The following TMCC3 variants were observed in gnomAD, a reference collection of about 807,000 sequenced individuals.
The protein encoded by TMCC3 is transmembrane and coiled-coil domain family 3, also known as transmembrane and coiled-coil domain protein 3.
A neutral mutation model predicts 40.2 loss-of-function variants in TMCC3; 28 were observed. The observed-to-expected ratio is 0.70, with a 90% confidence interval of 0.52 to 0.95. The LOEUF (loss-of-function observed/expected upper bound fraction) is 0.95, where lower values mean the gene tolerates loss of function less well. Among genes scored for constraint, TMCC3 ranks in the 40% least tolerant of loss-of-function variants. The pLI is 0.00. For missense variants in TMCC3, 554 were observed against 615.2 expected, an observed-to-expected ratio of 0.90 and a Z score of 1.05; for synonymous variants, 255 against 248.5, an observed-to-expected ratio of 1.03 and a Z score of -0.25.
intron 1 of TMCC3, chr12:94,591,055 A>G: frequency 1.9e-6 from 1 of 530,130 alleles, no homozygotes; most frequent in Non-Finnish European, 3.8e-6. Flanking sequence ...TAAATCAAGG[A>G]AACAGAATAT....
At chr12:94,582,964 T>C (rs2068614476) in intron 1 of TMCC3, among the ~76,000 whole-genome samples, 2 of 68,420 alleles carry the variant, frequency 2.9e-5, no homozygotes, top group African/African-American at 9.3e-5. Context: ...AGAAGGAGAA[T>C]CTTTTTTTTT....
chr12:94,600,238 TG>T (rs1306893224), intron 1 of TMCC3, among the ~76,000 whole-genome samples: 26 of 145,026 alleles, frequency 1.8e-4, no homozygotes, highest in East Asian at 1.0e-3. Context: ...CACCAAATTC[TG>T]GTTTTTTTTT....
intron 1 of TMCC3, among the ~76,000 whole-genome samples, chr12:94,634,109 A>T (rs2068947797): frequency 6.6e-6 from 1 of 151,802 alleles, no homozygotes; most frequent in African/African-American, 2.4e-5. Context: ...ATCACCAGCT[A>T]ATGTTTTGTA....
At chr12:94,597,405 G>A (rs1413405569) in intron 1 of TMCC3, among the ~76,000 whole-genome samples, 1 of 152,106 alleles carries the variant, frequency 6.6e-6, no homozygotes, top group Non-Finnish European at 1.5e-5. Flanking sequence ...TTTCCCTGTA[G>A]GGACCGTTGT....
chr12:94,622,856 CA>C (rs565323664), intron 1 of TMCC3, among the ~76,000 whole-genome samples: 45 of 148,396 alleles, frequency 3.0e-4, no homozygotes, highest in African/African-American at 1.0e-3. Flanking sequence ...AAAGAGGCTC[CA>C]AAAAAACCTC....
intron 1 of TMCC3, among the ~76,000 whole-genome samples, chr12:94,627,907 G>A (rs959543991): frequency 6.6e-6 from 1 of 152,218 alleles, no homozygotes; most frequent in South Asian, 2.1e-4. Context: ...AGGGATTTTT[G>A]TTTTGTTCCC....
intron 1 of TMCC3, among the ~76,000 whole-genome samples, chr12:94,628,665 G>A (rs560364908): frequency 6.6e-6 from 1 of 152,306 alleles, no homozygotes; most frequent in East Asian, 1.9e-4. Context: ...TTCCAAAGGG[G>A]AGCCTGTGCT....
At chr12:94,582,989 TTTTTTA>T (rs1158081354) in intron 1 of TMCC3, among the ~76,000 whole-genome samples, 165 of 24,484 alleles carry the variant, frequency 6.7e-3, no homozygotes, top group African/African-American at 0.05. Flanking sequence ...TTTTTTTTTT[TTTTTTA>T]AAAAAGAAAG....
intron 1 of TMCC3, among the ~76,000 whole-genome samples, chr12:94,640,839 C>G (rs1392228185): frequency 2.0e-5 from 3 of 152,146 alleles, no homozygotes; most frequent in Non-Finnish European, 4.4e-5. Context: ...TGCTCAAATC[C>G]AGAGGTAAGC....
In TMCC3 at chr12:94,597,149, AT is replaced by A. The variant is rs1566322285; in HGVS notation, c.79-14612del. On this transcript the variant is annotated intron_variant, in intron 1 of 3. Coordinates refer to ENST00000261226, the MANE Select transcript of TMCC3 (RefSeq NM_020698.4). ...CATATATATATATATATATATATAT[AT>A]ATATATATGTATATAAATTAGCCAG... 8.7e-3 allele frequency among the ~76,000 whole-genome samples: 130 copies of A among 14,956 alleles called. 2 individuals carry two copies. The South Asian group carries it at 0.18, about 21-fold the overall frequency. 9.8% of individuals were successfully genotyped at this position (14,956 alleles called of 152,430 possible).
intron 1 of TMCC3, among the ~76,000 whole-genome samples, chr12:94,611,769 C>A (rs1308189069): frequency 1.8e-4 from 25 of 141,506 alleles, no homozygotes; most frequent in Admixed American, 1.4e-4. Flanking sequence ...GGAATAATGA[C>A]AAAAAAAAAA....
Position 94,570,796 on chromosome 12 carries a change from T to A in TMCC3, c.*639A>T, listed in dbSNP as rs2068522406. 6.5e-6 allele frequency: 1 copy of A among 152,842 alleles called. No homozygotes were observed. The allele number at this position is 152,842 out of a possible 1,614,324, so 9.5% of individuals were successfully genotyped here. A position where few individuals can be genotyped will look rare whatever the true frequency, so the allele number is the denominator to read the frequency against. The stretch of plus-strand genomic sequence containing the variant: ...GGTGAAAGCCCCATTCATAAATCCC[T>A]ATGCCTTCCCATTTAAAGTGTAACA... On this transcript the variant is annotated 3_prime_UTR_variant, in exon 4 of 4. Transcript: ENST00000261226.
At position 94,590,884 on chromosome 12, in the gene TMCC3, G is replaced by A. The variant is rs144807494; in HGVS notation, c.79-8346C>T. On this transcript the variant is annotated intron_variant, in intron 1 of 3. Coordinates refer to ENST00000261226, the MANE Select transcript of TMCC3 (RefSeq NM_020698.4). ...TGGAGAGGAGCCCCTGGATGTTATC[G>A]GGCTCAGCCTAGATGAGTGAGTTTA... 110 of 575,198 alleles carry A rather than the reference G, an allele frequency of 1.9e-4. 3 individuals carry two copies. In the Middle Eastern group the frequency reaches 3.0e-3, roughly 16 times the overall value. The allele number at this position is 575,198 out of a possible 1,614,324, so 35.6% of individuals were successfully genotyped here.
chr12:94,579,620 C>G (rs1223754888), intron 2 of TMCC3, among the ~76,000 whole-genome samples: 3 of 152,226 alleles, frequency 2.0e-5, no homozygotes, highest in Non-Finnish European at 4.4e-5. Context: ...TGACTTTGAT[C>G]AACGCCAATT....
chr12:94,616,196 G>A, intron 1 of TMCC3: 1 of 659,370 alleles, frequency 1.5e-6, no homozygotes, highest in Non-Finnish European at 1.9e-6. Context: ...GGCTCTTTGT[G>A]CAGTCAGCAG....
chr12:94,573,973 A>G (rs2068548406), intron 3 of TMCC3, among the ~76,000 whole-genome samples: 1 of 152,194 alleles, frequency 6.6e-6, no homozygotes, highest in African/African-American at 2.4e-5. Context: ...CTGCCTGAGG[A>G]CAGGAACTAG....
intron 1 of TMCC3, among the ~76,000 whole-genome samples, chr12:94,623,921 T>A (rs2068889345): frequency 6.6e-6 from 1 of 152,220 alleles, no homozygotes; most frequent in African/African-American, 2.4e-5. Flanking sequence ...CTTCAAGAAA[T>A]GACTAGTAAG....
intron 3 of TMCC3, among the ~76,000 whole-genome samples, chr12:94,575,391 C>T (rs968652277): frequency 3.3e-5 from 5 of 152,168 alleles, no homozygotes; most frequent in African/African-American, 1.2e-4. Flanking sequence ...TCTTCCTTGA[C>T]AACCTTTTGA....
chr12:94,642,378 C>G (rs1594301173), intron 1 of TMCC3, among the ~76,000 whole-genome samples: 1 of 152,330 alleles, frequency 6.6e-6, no homozygotes, highest in African/African-American at 2.4e-5. Flanking sequence ...CTTTCCAACC[C>G]TCTGCCTTCG....
Sources: allele counts gnomAD v4.1 joint callset (sites outside exome capture counted in the v4.1 genomes callset), GRCh38; gene constraint gnomAD v4.1.1; transcripts MANE v1.5; gene names NCBI Gene and HGNC (gene_info 2026-07-23, HGNC 2026-07-21).